EPHA5: variants seen among roughly 807,000 people sequenced by gnomAD.
The protein encoded by EPHA5 is EPH receptor A5, also known as ephrin type-A receptor 5.
EPHA5 carries 60 observed loss-of-function variants against 105.0 expected under a neutral mutation model. The ratio of observed to expected loss-of-function variants is 0.57; its 90% CI spans 0.46 to 0.71. EPHA5 has a LOEUF of 0.71. EPHA5 is among the 30% of genes least tolerant of loss of function. The pLI is 0.00. For missense variants in EPHA5, 1,218 were observed against 1,274.7 expected, an observed-to-expected ratio of 0.96 and a Z score of 0.68; for synonymous variants, 513 against 449.1, an observed-to-expected ratio of 1.14 and a Z score of -1.80.
At chr4:65,397,329 A>G (rs942725896) in intron 8 of EPHA5, among the ~76,000 whole-genome samples, 2 of 152,126 alleles carry the variant, frequency 1.3e-5, no homozygotes, top group Admixed American at 6.5e-5. Context: ...TGGGGAGGGC[A>G]TCTCAGGAAC....
intron 3 of EPHA5, among the ~76,000 whole-genome samples, chr4:65,560,834 T>C (rs545671070): frequency 1.3e-5 from 2 of 152,248 alleles, no homozygotes; most frequent in African/African-American, 4.8e-5. Context: ...ATAGATTTTA[T>C]GCTTTCAGTC....
intron 5 of EPHA5, among the ~76,000 whole-genome samples, chr4:65,484,747 C>T (rs982142633): frequency 6.6e-6 from 1 of 151,928 alleles, no homozygotes; most frequent in Non-Finnish European, 1.5e-5. Context: ...CTTAGAAATT[C>T]CTAGTGTAAA....
intron 3 of EPHA5, among the ~76,000 whole-genome samples, chr4:65,512,593 C>G (rs373706034): frequency 1.6e-4 from 24 of 152,154 alleles, no homozygotes; most frequent in African/African-American, 5.8e-4. Flanking sequence ...TCTGAAGTGC[C>G]GGCTTCTCCT....
chr4:65,480,600 G>A (rs1730260670), intron 5 of EPHA5, among the ~76,000 whole-genome samples: 2 of 152,116 alleles, frequency 1.3e-5, no homozygotes, highest in Non-Finnish European at 2.9e-5. Context: ...TGAAGTTTGA[G>A]ATCCAGAAAC....
intron 16 of EPHA5, among the ~76,000 whole-genome samples, chr4:65,330,104 T>C (rs1204625396): frequency 6.6e-6 from 1 of 151,386 alleles, no homozygotes; most frequent in Non-Finnish European, 1.5e-5. Flanking sequence ...TTGGAGCAGT[T>C]ACTATAGACA....
intron 5 of EPHA5, among the ~76,000 whole-genome samples, chr4:65,467,416 C>T (rs1728824967): frequency 6.6e-6 from 1 of 152,126 alleles, no homozygotes; most frequent in East Asian, 1.9e-4. Context: ...TTGGATTTCC[C>T]ACCATTTGAA....
intron 3 of EPHA5, chr4:65,574,016 T>G (rs1336220349): frequency 6.2e-7 from 1 of 1,600,130 alleles, no homozygotes; most frequent in African/African-American, 1.3e-5. Flanking sequence ...ATCGAGTTCC[T>G]CTATGAAGAA....
At chr4:65,518,220 T>A (rs1734294213) in intron 3 of EPHA5, among the ~76,000 whole-genome samples, 1 of 151,956 alleles carries the variant, frequency 6.6e-6, no homozygotes, top group African/African-American at 2.4e-5. Flanking sequence ...TAAATTCATA[T>A]TTGTTTAAAT....
chr4:65,576,417 C>T (rs555267122), intron 3 of EPHA5, among the ~76,000 whole-genome samples: 26 of 152,214 alleles, frequency 1.7e-4, no homozygotes, highest in Admixed American at 5.9e-4. Context: ...TTGGTTCATC[C>T]AATATATTGG....
chr4:65,336,617 T>A (rs1011663821), intron 14 of EPHA5, among the ~76,000 whole-genome samples: 1 of 152,146 alleles, frequency 6.6e-6, no homozygotes, highest in Non-Finnish European at 1.5e-5. Flanking sequence ...AGTCAAAGGC[T>A]AAATTAGCAT....
chr4:65,635,881 T>C (rs1247395103), intron 2 of EPHA5, among the ~76,000 whole-genome samples: 3 of 152,068 alleles, frequency 2.0e-5, no homozygotes, highest in African/African-American at 7.2e-5. Context: ...CTATGAATAA[T>C]GAGATTGATA....
rs1718016657 is a variant in EPHA5 at position 65,367,375 on chromosome 4, G to C, written c.1843C>G (p.His615Asp). 2 of 1,611,454 alleles carry C rather than the reference G, an allele frequency of 1.2e-6. No individual in the cohort carries two copies. Among genetic ancestry groups the C allele is most frequent in the Non-Finnish European group, 1.7e-6 (2 of 1,178,996 alleles). ...AKQDPEEEKM[H>D]FHNGHIKLPG... ...TGCTTACTGTGCCCATTATGAAAAT[G>C]CATCTTTTCCTCTTCTGGATCTTGT... The change falls in exon 9 of 17, where the codon CAT becomes GAT. Residue 615 changes from histidine to aspartate, a missense_variant. This residue lies in a region of EPHA5 where 971 missense variants were observed against 1,013.5 expected (regional missense o/e 0.96). Transcript: ENST00000613740.
At chr4:65,637,567 TGC>T (rs1747245874) in intron 2 of EPHA5, among the ~76,000 whole-genome samples, 1 of 73,908 alleles carries the variant, frequency 1.4e-5, no homozygotes, top group Non-Finnish European at 2.7e-5. Context: ...ATATGAGTTT[TGC>T]ATATATATAT....
At chr4:65,326,042 G>GTA (rs960912488) in intron 16 of EPHA5, among the ~76,000 whole-genome samples, 8 of 146,698 alleles carry the variant, frequency 5.5e-5, no homozygotes, top group African/African-American at 1.5e-4. Flanking sequence ...ATATATATAT[G>GTA]TATATATATG....
chr4:65,649,755 C>T (rs4276332), intron 1 of EPHA5, among the ~76,000 whole-genome samples: 2 of 151,942 alleles, frequency 1.3e-5, no homozygotes, highest in Non-Finnish European at 2.9e-5. Context: ...GTGATAATTG[C>T]GTAGCTCTGA....
At chr4:65,374,510 C>T (rs1056531103) in intron 8 of EPHA5, among the ~76,000 whole-genome samples, 1 of 151,832 alleles carries the variant, frequency 6.6e-6, no homozygotes, top group African/African-American at 2.4e-5. Flanking sequence ...AAATTAGAAT[C>T]GCAGAGCCTT....
intron 5 of EPHA5, among the ~76,000 whole-genome samples, chr4:65,423,445 CTACT>C (rs1465821959): frequency 6.6e-6 from 1 of 151,994 alleles, no homozygotes; most frequent in Non-Finnish European, 1.5e-5. Flanking sequence ...GGTGGAATAT[CTACT>C]TAAATTATTA....
intron 3 of EPHA5, among the ~76,000 whole-genome samples, chr4:65,509,520 G>A (rs1024067538): frequency 6.6e-6 from 1 of 152,096 alleles, no homozygotes. Context: ...TTATAGGGAT[G>A]GTTAGAAAAC....
intron 3 of EPHA5, among the ~76,000 whole-genome samples, chr4:65,522,334 A>AT (rs1560643533): frequency 6.7e-6 from 1 of 149,928 alleles, no homozygotes; most frequent in African/African-American, 2.5e-5. Context: ...ATATATATAT[A>AT]AAATCAACAG....
Sources: allele counts gnomAD v4.1 joint callset (sites outside exome capture counted in the v4.1 genomes callset), GRCh38; gene constraint gnomAD v4.1.1; regional missense constraint gnomAD v4.1.1; transcripts MANE v1.5; gene names NCBI Gene and HGNC (gene_info 2026-07-23, HGNC 2026-07-21).